UNC5B: variants seen among roughly 807,000 people sequenced by gnomAD.
UNC5B encodes netrin receptor UNC5B.
In UNC5B, 56 loss-of-function variants were observed where a neutral mutation model predicts 103.7. The observed-to-expected ratio is 0.54, with a 90% CI of 0.44 to 0.67. The LOEUF (loss-of-function observed/expected upper bound fraction) is 0.67, where lower values mean the gene tolerates loss of function less well. Among genes scored for constraint, UNC5B ranks in the 30% least tolerant of loss-of-function variants. The pLI is 0.00. For missense variants in UNC5B, 1,194 were observed against 1,284.5 expected (o/e 0.93, Z 1.08); for synonymous variants, 577 against 542.0 (o/e 1.06, Z -0.90).
chr10:71,295,052 C>G (rs919262817), intron 13 of UNC5B, among the ~76,000 whole-genome samples: 1 of 152,176 alleles, frequency 6.6e-6, no homozygotes, highest in African/African-American at 2.4e-5. Flanking sequence ...TCCCTGGCCC[C>G]GTCCAGCTCC....
chr10:71,295,927 C>T lies in UNC5B; in HGVS notation c.2292C>T (p.Ala764=). The part of the protein sequence containing the change: ...LRLSLHDLPH[A]HWRSKLLAKY... ...TCTCCCTCCATGACCTCCCCCATGC[C>T]CATTGGAGGAGCAAGCTGCTGGCCA... The change falls in exon 14 of 17, where the codon GCC becomes GCT. Residue 764 remains alanine (A), a synonymous_variant. Transcript: ENST00000335350. The T allele has an allele frequency of 6.2e-7, 1 of 1,613,212 alleles. No individual in the cohort carries two copies. The highest frequency in any genetic ancestry group is 8.5e-7 in the Non-Finnish European group (1 of 1,180,026).
intron 1 of UNC5B, among the ~76,000 whole-genome samples, chr10:71,260,461 C>T (rs142632783): frequency 5.3e-5 from 8 of 152,326 alleles, no homozygotes; most frequent in African/African-American, 1.9e-4. Flanking sequence ...AAATGCCCTC[C>T]GGTCCAGGCC....
intron 1 of UNC5B, among the ~76,000 whole-genome samples, chr10:71,233,478 A>G (rs1260537822): frequency 1.3e-5 from 2 of 152,048 alleles, no homozygotes; most frequent in African/African-American, 4.8e-5. Context: ...TGCCTCTCCC[A>G]CTGGCCAAGC....
intron 1 of UNC5B, among the ~76,000 whole-genome samples, chr10:71,245,336 T>C (rs1045283106): frequency 6.6e-6 from 1 of 152,190 alleles, no homozygotes; most frequent in Admixed American, 6.5e-5. Context: ...TCCCAAGGTA[T>C]TCGCACCTAC....
rs1844226834 is a variant in UNC5B at position 71,253,679 on chromosome 10, C to T, written c.80-26142C>T. Among the ~76,000 whole-genome samples, 4 of 152,252 alleles carry T rather than the reference C, an allele frequency of 2.6e-5. No homozygotes were observed. The South Asian group carries it at 6.2e-4, about 24-fold the overall frequency. On this transcript the variant is annotated intron_variant, in intron 1 of 16. Coordinates refer to ENST00000335350, the MANE Select transcript of UNC5B (RefSeq NM_170744.5). ...TTTCCAGGGTGTCAGAAGCTGTTGG[C>T]ATCGCCAGGGCTGCCAAGGGGAGGA... is the stretch of plus-strand genomic sequence containing the variant.
intron 1 of UNC5B, among the ~76,000 whole-genome samples, chr10:71,238,533 C>T (rs750182373): frequency 2.6e-4 from 39 of 152,116 alleles, no homozygotes; most frequent in Non-Finnish European, 4.1e-4. Flanking sequence ...AGCTCAGAGT[C>T]GTGATCTCAG....
At chr10:71,266,273 C>T (rs1411119130) in intron 1 of UNC5B, among the ~76,000 whole-genome samples, 1 of 152,040 alleles carries the variant, frequency 6.6e-6, no homozygotes. Flanking sequence ...CCACGCACTC[C>T]AGAGCGCCTT....
intron 1 of UNC5B, among the ~76,000 whole-genome samples, chr10:71,258,013 G>T (rs945261574): frequency 6.6e-6 from 1 of 152,206 alleles, no homozygotes; most frequent in South Asian, 2.1e-4. Context: ...CAAGAAACAC[G>T]TGCTTTCACT....
intron 1 of UNC5B, among the ~76,000 whole-genome samples, chr10:71,263,610 G>GGAGTGC (rs1304376870): frequency 6.6e-6 from 1 of 152,186 alleles, no homozygotes; most frequent in East Asian, 1.9e-4. Context: ...TGTCCAACAC[G>GGAGTGC]GAGTGCGGCA....
chr10:71,245,650 G>T (rs913790026), intron 1 of UNC5B, among the ~76,000 whole-genome samples: 8 of 152,182 alleles, frequency 5.3e-5, no homozygotes, highest in African/African-American at 1.7e-4. Context: ...TGCCAGCCTC[G>T]CCGTGCCACA....
intron 1 of UNC5B, among the ~76,000 whole-genome samples, chr10:71,240,644 C>T (rs976876218): frequency 1.8e-4 from 27 of 152,358 alleles, no homozygotes; most frequent in Admixed American, 5.2e-4. Flanking sequence ...TCCTCCCGGC[C>T]CAGCAGCTGC....
At position 71,291,129 on chromosome 10, in the gene UNC5B, TG is replaced by T. The variant is rs2132310424; in HGVS notation, c.1294+24del. ...GGCCCAGTAAGAACCCGAGGATGTC[TG>T]GGGTGGTTGGCAGAGGCAGGATACC... On this transcript the variant is annotated intron_variant, in intron 9 of 16. Coordinates refer to ENST00000335350, the MANE Select transcript of UNC5B (RefSeq NM_170744.5). 1.2e-6 allele frequency: 2 copies of T among 1,602,018 alleles called. No homozygotes were observed. Among genetic ancestry groups the T allele is most frequent in the East Asian group, 4.5e-5 (2 of 44,674 alleles).
chr10:71,268,355 A>G (rs1187265553), intron 1 of UNC5B, among the ~76,000 whole-genome samples: 1 of 152,134 alleles, frequency 6.6e-6, no homozygotes, highest in African/African-American at 2.4e-5. Context: ...GACTTCTTTT[A>G]TGCCAGTGTG....
intron 1 of UNC5B, among the ~76,000 whole-genome samples, chr10:71,271,225 C>T (rs886605440): frequency 2.0e-5 from 3 of 152,214 alleles, no homozygotes; most frequent in Non-Finnish European, 2.9e-5. Context: ...ACCTCGAACA[C>T]GCCCTTTCAC....
chr10:71,263,222 T>C (rs1318696491), intron 1 of UNC5B, among the ~76,000 whole-genome samples: 1 of 152,192 alleles, frequency 6.6e-6, no homozygotes, highest in Non-Finnish European at 1.5e-5. Context: ...GTCTGTAGAC[T>C]TGGTGCTCAG....
intron 1 of UNC5B, among the ~76,000 whole-genome samples, chr10:71,235,973 G>C (rs1843768041): frequency 6.6e-6 from 1 of 152,232 alleles, no homozygotes; most frequent in South Asian, 2.1e-4. Flanking sequence ...CCCTAGTTCA[G>C]GTCCACACTC....
chr10:71,247,009 A>G (rs1167643104), intron 1 of UNC5B, among the ~76,000 whole-genome samples: 1 of 152,148 alleles, frequency 6.6e-6, no homozygotes, highest in Non-Finnish European at 1.5e-5. Flanking sequence ...CGCCCCTGCT[A>G]CCTGGAGAAT....
At chr10:71,224,593 C>A (rs1423219143) in intron 1 of UNC5B, among the ~76,000 whole-genome samples, 1 of 152,182 alleles carries the variant, frequency 6.6e-6, no homozygotes, top group Non-Finnish European at 1.5e-5. Flanking sequence ...AGAGGTTCTG[C>A]CCTGGAATCA....
At chr10:71,281,573 C>T (rs1382935860) in intron 2 of UNC5B, among the ~76,000 whole-genome samples, 3 of 152,220 alleles carry the variant, frequency 2.0e-5, no homozygotes, top group Non-Finnish European at 4.4e-5. Context: ...ATCTCCTGAC[C>T]TCGTGATCCC....
Sources: gnomAD v4.1 joint callset for allele counts (sites outside exome capture counted in the v4.1 genomes callset) on GRCh38, gnomAD v4.1.1 for gene constraint, MANE v1.5 for transcripts, NCBI Gene and HGNC (gene_info 2026-07-23, HGNC 2026-07-21) for gene names.